ZNF585B: variants seen among roughly 807,000 people sequenced by gnomAD.
ZNF585B encodes the protein zinc finger protein 41-like protein.
ZNF585B carries 7 observed loss-of-function variants against 14.0 expected under a neutral mutation model. That is an observed-to-expected ratio of 0.50 (90% CI 0.28 to 0.94). The LOEUF is 0.94. Ranked by LOEUF, ZNF585B falls within the 40% of genes least tolerant of loss-of-function variation. ZNF585B has a pLI of 0.09. For synonymous variants in ZNF585B, 290 were observed against 317.3 expected, an observed-to-expected ratio of 0.91 and a Z score of 0.91; for missense variants, 750 against 924.4, an observed-to-expected ratio of 0.81 and a Z score of 2.45.
intron 2 of ZNF585B, among the ~76,000 whole-genome samples, chr19:37,198,157 C>CTTAT (rs561186269): frequency 5.3e-5 from 8 of 151,828 alleles, no homozygotes; most frequent in Non-Finnish European, 8.8e-5. Context: ...GAATAGAGAG[C>CTTAT]TTATTTATTT....
chr19:37,207,014 C>T (rs1972593702), intron 2 of ZNF585B, 26 bp downstream of exon 2: 3 of 1,612,882 alleles, frequency 1.9e-6, no homozygotes, highest in Non-Finnish European at 2.5e-6. Context: ...ACTGAAATTC[C>T]ACCCCTTGGG....
intron 3 of ZNF585B, 135 bp from the exon 4 acceptor site, chr19:37,189,888 C>G: frequency 2.6e-6 from 4 of 1,554,234 alleles, no homozygotes; most frequent in Non-Finnish European, 3.5e-6. Flanking sequence ...TTCTGAGTAC[C>G]CTAAACAAAC....
chr19:37,198,868 G>T, intron 2 of ZNF585B: 1 of 838,070 alleles, frequency 1.2e-6, no homozygotes, highest in Non-Finnish European at 1.8e-6. Context: ...GCATGCAGAT[G>T]GAAGTGGAAA....
intron 1 of ZNF585B, among the ~76,000 whole-genome samples, chr19:37,209,871 A>G (rs951041505): frequency 1.3e-5 from 2 of 150,924 alleles, no homozygotes; most frequent in Non-Finnish European, 2.9e-5. Context: ...GCCCGCCACC[A>G]CGCCCGGCTA....
intron 2 of ZNF585B, among the ~76,000 whole-genome samples, chr19:37,202,076 A>G (rs916491154): frequency 6.6e-6 from 1 of 151,998 alleles, no homozygotes; most frequent in Non-Finnish European, 1.5e-5. Flanking sequence ...GCTGGAGTGA[A>G]ATGGTGTGAA....
intron 1 of ZNF585B, among the ~76,000 whole-genome samples, chr19:37,208,601 A>T (rs73023566): frequency 0.081 from 12,270 of 152,056 alleles, 714 homozygotes; most frequent in Non-Finnish European, 0.12. Context: ...GCCAAAAAAA[A>T]AAATAAAAGA....
chr19:37,199,448 C>T (rs1406996824), intron 2 of ZNF585B: 1 of 452,196 alleles, frequency 2.2e-6, no homozygotes, highest in Non-Finnish European at 4.4e-6. Flanking sequence ...TCGATTGAAC[C>T]TGGGAAGTCC....
chr19:37,186,969 C>G lies in ZNF585B; in HGVS notation c.568G>C (p.Glu190Gln). Reference protein sequence around the residue: ...HMREKPYKCNECGKSFFQVSS... With the variant: ...HMREKPYKCNQCGKSFFQVSS... ...ACTTGAAAAAAGGATTTTCCACATT[C>G]ATTGCACTTATAGGGCTTCTCTCTC... The change falls in exon 5 of 5, where the codon GAA (glutamate) becomes CAA (glutamine). Residue 190 changes from glutamate to glutamine, a missense_variant. Transcript: ENST00000532828. The G allele has an allele frequency of 6.2e-7, 1 of 1,614,148 alleles. No homozygotes were observed. The highest frequency in any genetic ancestry group is 8.5e-7 in the Non-Finnish European group (1 of 1,180,026).
intron 2 of ZNF585B, 67 bp downstream of exon 2, chr19:37,206,973 G>A (rs1299260708): frequency 1.3e-6 from 2 of 1,596,714 alleles, no homozygotes; most frequent in Non-Finnish European, 1.7e-6. Context: ...CCCTAAGGCT[G>A]TGGTGACAGA....
At position 37,187,627 on chromosome 19, in the gene ZNF585B, C is replaced by CT. The variant is rs952250507; in HGVS notation, c.293-384dup. ...CTTCCCTTTCATTGTGGAAAGAAGT[C>CT]TTTTTTTTTTCCAGAGATTCCCTGT... On this transcript the variant is annotated intron_variant, in intron 4 of 4. Coordinates refer to ENST00000532828, the MANE Select transcript of ZNF585B (RefSeq NM_152279.4). 8.0e-3 allele frequency among the ~76,000 whole-genome samples: 1,190 copies of CT among 149,520 alleles called. 20 individuals are homozygous for CT. Among genetic ancestry groups the CT allele is most frequent in the African/African-American group, 0.028 (1,131 of 40,794 alleles).
intron 2 of ZNF585B, 64 bp from the exon 3 acceptor site, chr19:37,190,214 G>A (rs74519550): frequency 1.9e-6 from 3 of 1,591,482 alleles, no homozygotes; most frequent in South Asian, 2.3e-5. Flanking sequence ...GACTATATAT[G>A]GGATTACGGA....
chr19:37,186,753 T>A lies in ZNF585B; in HGVS notation c.784A>T (p.Lys262Ter), dbSNP rs763137193. 1 of 1,614,204 alleles carries A rather than the reference T, an allele frequency of 6.2e-7. No homozygotes were observed. Among genetic ancestry groups the A allele is most frequent in the Admixed American group, 1.7e-5 (1 of 60,032 alleles). Residue 262 changes from lysine (K) to a stop codon, truncating the protein, a stop_gained, in exon 5 of 5, where the codon AAA becomes TAA. Transcript: ENST00000532828. LOFTEE classifies it low-confidence loss of function (END_TRUNC). ...TQKSTLKIHQ[K>*]IHTGERSYIC... ...TAGGATCTCTCGCCTGTATGGATTT[T>A]CTGATGAATCTTGAGTGTGGACTTT...
intron 4 of ZNF585B, among the ~76,000 whole-genome samples, chr19:37,187,904 C>CA (rs1453243045): frequency 4.0e-5 from 6 of 151,860 alleles, no homozygotes; most frequent in African/African-American, 9.7e-5. Context: ...TGGAAAAAGG[C>CA]AAAAAACATG....
chr19:37,192,950 A>G (rs935417369), intron 2 of ZNF585B, among the ~76,000 whole-genome samples: 1 of 152,150 alleles, frequency 6.6e-6, no homozygotes, highest in Non-Finnish European at 1.5e-5. Flanking sequence ...CCTGGCCAAC[A>G]TGTTGAAACC....
chr19:37,206,333 C>T (rs1972586910), intron 2 of ZNF585B, among the ~76,000 whole-genome samples: 1 of 151,652 alleles, frequency 6.6e-6, no homozygotes, highest in South Asian at 2.1e-4. Context: ...TGCCTGTAGT[C>T]CCAGCTATTT....
chr19:37,198,203 C>A (rs1295334029), intron 2 of ZNF585B, among the ~76,000 whole-genome samples: 1 of 151,950 alleles, frequency 6.6e-6, no homozygotes, highest in Admixed American at 6.6e-5. Flanking sequence ...TGGACTTTTG[C>A]TCTTGTTGCC....
intron 2 of ZNF585B, among the ~76,000 whole-genome samples, chr19:37,201,031 C>T (rs910669731): frequency 2.0e-5 from 3 of 150,942 alleles, no homozygotes; most frequent in African/African-American, 7.3e-5. Context: ...CCAGAGACTA[C>T]CATAAGGCAA....
intron 1 of ZNF585B, among the ~76,000 whole-genome samples, chr19:37,209,913 C>T (rs999361152): frequency 1.3e-5 from 2 of 151,718 alleles, no homozygotes; most frequent in Admixed American, 1.3e-4. Flanking sequence ...GACGGGGTTT[C>T]ACCGTGTTAG....
intron 4 of ZNF585B, 80 bp from the exon 5 acceptor site, chr19:37,187,324 G>A (rs563693794): frequency 3.2e-5 from 35 of 1,082,248 alleles, no homozygotes; most frequent in African/African-American, 6.3e-5. Flanking sequence ...TTGAAGCATC[G>A]TTTCTATCAT....
Sources: gnomAD v4.1 joint callset for allele counts (sites outside exome capture counted in the v4.1 genomes callset) on GRCh38, gnomAD v4.1.1 for gene constraint, MANE v1.5 for transcripts, NCBI Gene and HGNC (gene_info 2026-07-23, HGNC 2026-07-21) for gene names.